FUT8: variants seen among roughly 807,000 people sequenced by gnomAD.
FUT8 encodes alpha-(1,6)-fucosyltransferase.
FUT8 carries 29 observed loss-of-function variants against 71.3 expected under a neutral mutation model. That is an observed-to-expected ratio of 0.41 (90% confidence interval 0.30 to 0.55). The LOEUF (loss-of-function observed/expected upper bound fraction) is 0.55, where lower values mean the gene tolerates loss of function less well. FUT8 is among the 20% of genes least tolerant of loss of function. The probability of loss-of-function intolerance (pLI) is 0.34; values close to 1 mark genes in which losing one functional copy is unlikely to be tolerated. For missense variants in FUT8, 544 were observed against 702.1 expected (o/e 0.77, Z 2.55); for synonymous variants, 254 against 239.3 (o/e 1.06, Z -0.57).
intron 3 of FUT8, 147 bp from the exon 4 acceptor site, chr14:65,615,831 G>C (rs902417057): frequency 3.4e-6 from 2 of 589,680 alleles, no homozygotes; most frequent in Admixed American, 3.3e-5. Flanking sequence ...CTATACCTTT[G>C]AAGAGAAAAT....
chr14:65,719,379 C>T (rs1361683514), intron 7 of FUT8, among the ~76,000 whole-genome samples: 2 of 152,062 alleles, frequency 1.3e-5, no homozygotes, highest in Non-Finnish European at 2.9e-5. Context: ...AACTTCTTTG[C>T]ATTTCCTCAA....
the FUT8 span, among the ~76,000 whole-genome samples, chr14:65,379,291 G>A: frequency 8.5e-5 from 13 of 152,078 alleles, no homozygotes; most frequent in Middle Eastern, 6.8e-3. Context: ...GCACTTTGGG[G>A]GGCTGAGGCG....
Position 65,439,938 on chromosome 14 carries a change from A to G in FUT8, c.-325-15683A>G, listed in dbSNP as rs1394436230. Among the ~76,000 whole-genome samples the G allele has an allele frequency of 4.3e-4, 32 of 74,152 alleles. 1 individual carries two copies. The highest frequency in any genetic ancestry group is 1.3e-3 in the Admixed American group (8 of 6,190). The allele number at this position is 74,152 out of a possible 152,430, so 48.6% of individuals were successfully genotyped here. On this transcript the variant is annotated intron_variant, in intron 1 of 10. Coordinates refer to ENST00000673929, the MANE Select transcript of FUT8 (RefSeq NM_001371533.1). ...ATCAACACATGAATGGATAAAGAAA[A>G]TGTGTGTGTGTGTGTGTATATATAT...
intron 3 of FUT8, among the ~76,000 whole-genome samples, chr14:65,597,392 G>T (rs1254148112): frequency 1.3e-5 from 2 of 152,126 alleles, no homozygotes; most frequent in East Asian, 1.9e-4. Flanking sequence ...ACTTTGGGAG[G>T]CCGAGGCGGG....
chr14:65,439,987 T>TATATATATATATACAC lies in FUT8; in HGVS notation c.-325-15630_-325-15629insATATATATACACATAT, dbSNP rs1358951833. On this transcript the variant is annotated intron_variant, in intron 1 of 10. Coordinates refer to ENST00000673929, the MANE Select transcript of FUT8 (RefSeq NM_001371533.1). ...ATATATATATATATATATATATATA[T>TATATATATATATACAC]ATATGTACACACACACAGTGGAATA... is the stretch of plus-strand genomic sequence containing the variant. 5.1e-4 allele frequency among the ~76,000 whole-genome samples: 70 copies of TATATATATATATACAC among 138,064 alleles called. 1 individual carries two copies. The highest frequency in any genetic ancestry group is 1.8e-3 in the African/African-American group (67 of 37,466). 90.6% of individuals were successfully genotyped at this position (138,064 alleles called of 152,430 possible).
At chr14:65,606,919 G>A (rs181116765) in intron 3 of FUT8, among the ~76,000 whole-genome samples, 27 of 151,852 alleles carry the variant, frequency 1.8e-4, no homozygotes, top group Admixed American at 1.4e-3. Context: ...ATTTTTTAAT[G>A]TATGAGGTAT....
At chr14:65,431,985 T>G (rs2065483974) in intron 1 of FUT8, among the ~76,000 whole-genome samples, 1 of 152,210 alleles carries the variant, frequency 6.6e-6, no homozygotes, top group African/African-American at 2.4e-5. Context: ...GTCTGTTGTT[T>G]CAATTTGGTT....
chr14:65,639,679 A>T (rs1338178837), intron 6 of FUT8, among the ~76,000 whole-genome samples: 1 of 152,020 alleles, frequency 6.6e-6, no homozygotes, highest in Non-Finnish European at 1.5e-5. Context: ...GAAAACTTTT[A>T]TTATGGAAAA....
rs1178609291 is a variant in FUT8, at chr14:65,683,453, T to A, written c.835+13973T>A. On this transcript the variant is annotated intron_variant, in intron 7 of 10. Transcript: ENST00000673929. ...TAGAATTGCTTGTTAGGAAACTTTTTAATTGAATTGAGGAAATGACACAAG... is the reference window on the plus strand; with the variant it reads ...TAGAATTGCTTGTTAGGAAACTTTTAAATTGAATTGAGGAAATGACACAAG... Among the ~76,000 whole-genome samples, 3 of 152,370 alleles carry A rather than the reference T, an allele frequency of 2.0e-5. No homozygotes were observed. In the East Asian group the frequency reaches 5.8e-4, roughly 29 times the overall value.
At chr14:65,530,564 T>A (rs1336590965) in intron 2 of FUT8, among the ~76,000 whole-genome samples, 2 of 152,206 alleles carry the variant, frequency 1.3e-5, no homozygotes, top group Non-Finnish European at 2.9e-5. Flanking sequence ...CATTTTTAAA[T>A]GTTATTTAAA....
intron 3 of FUT8, among the ~76,000 whole-genome samples, chr14:65,589,567 C>A (rs1004748450): frequency 1.1e-4 from 16 of 151,668 alleles, no homozygotes; most frequent in Non-Finnish European, 1.9e-4. Context: ...CCTCAGCCTC[C>A]CGAGTAGCTG....
At position 65,474,310 on chromosome 14, in the gene FUT8, A is replaced by T. The variant is rs545982785; in HGVS notation, c.-228+18592A>T. On this transcript the variant is annotated intron_variant, in intron 2 of 10. Coordinates refer to ENST00000673929, the MANE Select transcript of FUT8 (RefSeq NM_001371533.1). ...AGCTATTGAAATAAAAAAGATATTT[A>T]AAAAAAAAGAGGCCAGGCAGGTTGG... Among the ~76,000 whole-genome samples, 56 of 150,468 alleles carry T rather than the reference A, an allele frequency of 3.7e-4. No homozygotes were observed. In the East Asian group the frequency reaches 5.8e-3, roughly 16 times the overall value.
At chr14:65,665,832 A>G (rs1377043675) in intron 6 of FUT8, among the ~76,000 whole-genome samples, 1 of 152,198 alleles carries the variant, frequency 6.6e-6, no homozygotes, top group Non-Finnish European at 1.5e-5. Context: ...TAATGCAGAA[A>G]CAGAAAACCA....
Position 65,726,247 on chromosome 14 carries a change from G to A in FUT8, c.1259+1924G>A, listed in dbSNP as rs369277255. Among the ~76,000 whole-genome samples the A allele has an allele frequency of 2.3e-4, 35 of 152,308 alleles. No individual in the cohort carries two copies. In the South Asian group the frequency reaches 6.2e-3, roughly 27 times the overall value. ...TCTACTCTTTCACTTGTTCTGGAACGCATCACAAGCTTTTTTCCTTGTTTT... is the reference window on the plus strand; with the variant it reads ...TCTACTCTTTCACTTGTTCTGGAACACATCACAAGCTTTTTTCCTTGTTTT... On this transcript the variant is annotated intron_variant, in intron 9 of 10. Coordinates refer to ENST00000673929, the MANE Select transcript of FUT8 (RefSeq NM_001371533.1).
chr14:65,533,750 T>C (rs1884107349), intron 2 of FUT8, among the ~76,000 whole-genome samples: 1 of 152,198 alleles, frequency 6.6e-6, no homozygotes, highest in African/African-American at 2.4e-5. Flanking sequence ...CAGTGTGATG[T>C]TGGCTGTGGG....
At chr14:65,370,662 G>A in the FUT8 span, among the ~76,000 whole-genome samples, 3 of 150,802 alleles carry the variant, frequency 2.0e-5, no homozygotes, top group Admixed American at 6.6e-5. Flanking sequence ...TATATATTAT[G>A]TATATAATTT....
intron 1 of FUT8, among the ~76,000 whole-genome samples, chr14:65,444,161 G>C (rs1406250402): frequency 6.6e-6 from 1 of 152,140 alleles, no homozygotes; most frequent in African/African-American, 2.4e-5. Context: ...TCTTTGACAA[G>C]TAGAGTTAAA....
At chr14:65,594,466 C>T (rs1230810420) in intron 3 of FUT8, among the ~76,000 whole-genome samples, 1 of 152,198 alleles carries the variant, frequency 6.6e-6, no homozygotes, top group Non-Finnish European at 1.5e-5. Flanking sequence ...CCATTGTCTG[C>T]AGACATCAGT....
At chr14:65,430,764 A>G (rs1048570892) in intron 1 of FUT8, among the ~76,000 whole-genome samples, 2 of 152,178 alleles carry the variant, frequency 1.3e-5, no homozygotes, top group Admixed American at 1.3e-4. Context: ...AGATGGGGTA[A>G]TTTACAATGG....
Sources: gnomAD v4.1 joint callset for allele counts (sites outside exome capture counted in the v4.1 genomes callset) on GRCh38, gnomAD v4.1.1 for gene constraint, MANE v1.5 for transcripts, NCBI Gene and HGNC (gene_info 2026-07-23, HGNC 2026-07-21) for gene names.